Variants in GPC5 observed in about 807,000 individuals in gnomAD.
GPC5 encodes the protein glypican 5.
A neutral mutation model predicts 53.9 loss-of-function variants in GPC5; 47 were observed. The observed-to-expected ratio is 0.87, with a 90% confidence interval of 0.69 to 1.11. The LOEUF is 1.11. Among genes scored for constraint, GPC5 ranks in the 50% most tolerant of loss-of-function variants. GPC5 has a pLI of 0.00. For synonymous variants in GPC5, 286 were observed against 263.3 expected (o/e 1.09, Z -0.84); for missense variants, 748 against 713.1 (o/e 1.05, Z -0.56).
chr13:91,905,106 A>T (rs2039539501), intron 5 of GPC5, among the ~76,000 whole-genome samples: 1 of 152,156 alleles, frequency 6.6e-6, no homozygotes, highest in African/African-American at 2.4e-5. Context: ...CTCCAGATAG[A>T]GTAAAGCAAT....
intron 2 of GPC5, among the ~76,000 whole-genome samples, chr13:91,616,112 C>T (rs2033689130): frequency 6.6e-6 from 1 of 152,048 alleles, no homozygotes; most frequent in Admixed American, 6.6e-5. Flanking sequence ...GAAAGAAACT[C>T]GTAGTAAGGG....
intron 5 of GPC5, among the ~76,000 whole-genome samples, chr13:91,861,571 T>C (rs563390707): frequency 1.3e-5 from 2 of 152,182 alleles, no homozygotes; most frequent in African/African-American, 4.8e-5. Context: ...TATCTTTTTG[T>C]ATAGGTTTAC....
rs138026098 is a variant in GPC5 at position 92,594,024 on chromosome 13, C to T, written c.1562-272258C>T. Among the ~76,000 whole-genome samples the T allele has an allele frequency of 9.2e-5, 14 of 152,154 alleles. No homozygotes were observed. In the East Asian group the frequency reaches 2.1e-3, roughly 23 times the overall value. On this transcript the variant is annotated intron_variant, in intron 7 of 7. Coordinates refer to ENST00000377067, the MANE Select transcript of GPC5 (RefSeq NM_004466.6). ...ACAAGGAAACAACAGGCGGAAAACCCACATTAACAAAATTTTACAATCTGG... is the reference window on the plus strand; with the variant it reads ...ACAAGGAAACAACAGGCGGAAAACCTACATTAACAAAATTTTACAATCTGG...
rs1208090742 is a variant in GPC5, at chr13:92,521,740, C to T, written c.1562-344542C>T. On this transcript the variant is annotated intron_variant, in intron 7 of 7. Coordinates refer to ENST00000377067, the MANE Select transcript of GPC5 (RefSeq NM_004466.6). Reference sequence around the variant, plus strand: ...GGGCAAGGACTTCATGTCTAAAACACCAAAAGCAATGGCAACAGAAGCCAA... The same window carrying T: ...GGGCAAGGACTTCATGTCTAAAACATCAAAAGCAATGGCAACAGAAGCCAA... Among the ~76,000 whole-genome samples the T allele has an allele frequency of 2.6e-5, 4 of 152,146 alleles. 1 individual carries two copies. Among genetic ancestry groups the T allele is most frequent in the Non-Finnish European group, 5.9e-5 (4 of 68,018 alleles).
intron 7 of GPC5, among the ~76,000 whole-genome samples, chr13:92,749,489 T>C (rs1035988533): frequency 3.3e-5 from 5 of 152,178 alleles, no homozygotes; most frequent in Non-Finnish European, 7.4e-5. Flanking sequence ...TGGCTAGTTA[T>C]ATTGATAGTA....
intron 7 of GPC5, among the ~76,000 whole-genome samples, chr13:92,491,143 T>TTTA (rs1879746345): frequency 6.6e-6 from 1 of 152,106 alleles, no homozygotes; most frequent in Non-Finnish European, 1.5e-5. Context: ...CCTATGCTAA[T>TTTA]GGTTTACTAT....
intron 7 of GPC5, among the ~76,000 whole-genome samples, chr13:92,747,065 G>T (rs377688560): frequency 6.6e-6 from 1 of 152,072 alleles, no homozygotes; most frequent in African/African-American, 2.4e-5. Context: ...GTACAGTAAA[G>T]GTACAGTTAT....
At chr13:92,293,995 T>C (rs2043016339) in intron 7 of GPC5, among the ~76,000 whole-genome samples, 1 of 152,230 alleles carries the variant, frequency 6.6e-6, no homozygotes, top group African/African-American at 2.4e-5. Context: ...ATATCACATT[T>C]ATTGACTTGT....
chr13:91,640,332 A>G (rs2034393824), intron 2 of GPC5, among the ~76,000 whole-genome samples: 2 of 152,226 alleles, frequency 1.3e-5, no homozygotes, highest in South Asian at 4.1e-4. Context: ...GACATGACAG[A>G]TACTTCTCAA....
At chr13:91,979,133 G>A (rs1362648120) in intron 6 of GPC5, among the ~76,000 whole-genome samples, 3 of 152,094 alleles carry the variant, frequency 2.0e-5, no homozygotes, top group African/African-American at 7.2e-5. Flanking sequence ...AGCCATCCAA[G>A]CAGAGATACC....
intron 7 of GPC5, among the ~76,000 whole-genome samples, chr13:92,202,797 A>G (rs561887775): frequency 4.6e-5 from 7 of 152,256 alleles, no homozygotes; most frequent in Admixed American, 2.6e-4. Context: ...ATTATCCCAC[A>G]TTCTTTCTAC....
chr13:91,410,162 C>A (rs1877612967), intron 1 of GPC5, among the ~76,000 whole-genome samples: 1 of 152,090 alleles, frequency 6.6e-6, no homozygotes, highest in African/African-American at 2.4e-5. Flanking sequence ...TGTCCCTTTT[C>A]CCTTTCAGTG....
chr13:92,242,978 C>T (rs1164764995), intron 7 of GPC5, among the ~76,000 whole-genome samples: 4 of 152,156 alleles, frequency 2.6e-5, no homozygotes, highest in Non-Finnish European at 2.9e-5. Context: ...AAATCCAGTA[C>T]ATTCTGCACT....
At chr13:92,472,774 G>T (rs954063247) in intron 7 of GPC5, among the ~76,000 whole-genome samples, 7 of 152,034 alleles carry the variant, frequency 4.6e-5, no homozygotes, top group African/African-American at 1.2e-4. Flanking sequence ...ATTTTGACTT[G>T]TATGGAAATG....
chr13:91,537,521 T>C (rs1886647714), intron 2 of GPC5, among the ~76,000 whole-genome samples: 1 of 152,204 alleles, frequency 6.6e-6, no homozygotes, highest in South Asian at 2.1e-4. Context: ...GAGATTGTAT[T>C]GGTAAGCAAA....
At chr13:92,292,858 G>A (rs1431449654) in intron 7 of GPC5, among the ~76,000 whole-genome samples, 2 of 152,098 alleles carry the variant, frequency 1.3e-5, no homozygotes, top group Non-Finnish European at 1.5e-5. Flanking sequence ...TGAGAGATGA[G>A]AATCCAGTTT....
chr13:91,551,333 A>G (rs2030623575), intron 2 of GPC5, among the ~76,000 whole-genome samples: 1 of 152,114 alleles, frequency 6.6e-6, no homozygotes, highest in Admixed American at 6.6e-5. Context: ...TCAGTCATCC[A>G]TTTTATTTTA....
chr13:92,466,630 A>G (rs1878702169), intron 7 of GPC5, among the ~76,000 whole-genome samples: 1 of 152,096 alleles, frequency 6.6e-6, no homozygotes, highest in African/African-American at 2.4e-5. Flanking sequence ...AGAAGCTATA[A>G]TAATTAGGGC....
chr13:92,122,161 A>G (rs985557018), intron 6 of GPC5, among the ~76,000 whole-genome samples: 1 of 152,204 alleles, frequency 6.6e-6, no homozygotes, highest in Non-Finnish European at 1.5e-5. Flanking sequence ...AATCTTAAAA[A>G]GAAATTGTAT....
Sources: gnomAD v4.1 joint callset for allele counts (sites outside exome capture counted in the v4.1 genomes callset) on GRCh38, gnomAD v4.1.1 for gene constraint, MANE v1.5 for transcripts, NCBI Gene and HGNC (gene_info 2026-07-23, HGNC 2026-07-21) for gene names.